CEP128: variants seen among roughly 807,000 people sequenced by gnomAD.
CEP128 encodes centrosomal protein 128, also known as centrosomal protein 128kDa.
CEP128 carries 132 observed loss-of-function variants against 156.7 expected under a neutral mutation model. That is an observed-to-expected ratio of 0.84 (90% confidence interval 0.73 to 0.97). The LOEUF is 0.97. Among genes scored for constraint, CEP128 ranks in the 50% least tolerant of loss-of-function variants. The pLI is 0.00. For synonymous variants in CEP128, 469 were observed against 448.9 expected (o/e 1.04, Z -0.57); for missense variants, 1,252 against 1,281.9 (o/e 0.98, Z 0.36).
intron 10 of CEP128, 148 bp from the exon 11 acceptor site, chr14:80,838,426 C>T (rs1245418143): frequency 1.7e-6 from 1 of 594,684 alleles, no homozygotes; most frequent in East Asian, 2.8e-5. Flanking sequence ...TCACTATGAA[C>T]ATATATCAAT....
At chr14:80,953,310 G>A (rs891366736) in intron 2 of CEP128, among the ~76,000 whole-genome samples, 1 of 152,234 alleles carries the variant, frequency 6.6e-6, no homozygotes, top group African/African-American at 2.4e-5. Flanking sequence ...ACACGGCCGG[G>A]CACGGTGGTG....
Position 80,580,528 on chromosome 14 carries a change from G to A in CEP128, c.2807-105C>T, listed in dbSNP as rs528588054. The A allele has an allele frequency of 1.6e-5, 11 of 680,334 alleles. No individual in the cohort carries two copies. In the East Asian group the frequency reaches 2.5e-4, roughly 16 times the overall value. 42.1% of individuals were successfully genotyped at this position (680,334 alleles called of 1,614,324 possible). On this transcript the variant is annotated intron_variant, in intron 19 of 24. Transcript: ENST00000555265. The stretch of plus-strand genomic sequence containing the variant: ...GTAGCTTGTATAAACTGTTGCCTGA[G>A]AAGAGAATTTAATGTTTAAGTGTGA...
At chr14:80,593,067 G>T (rs1003880223) in intron 19 of CEP128, among the ~76,000 whole-genome samples, 1 of 152,242 alleles carries the variant, frequency 6.6e-6, no homozygotes, top group Admixed American at 6.5e-5. Context: ...AAAACTGGAA[G>T]CATTCCCTTT....
At chr14:80,905,239 AC>A (rs1883816420) in intron 5 of CEP128, among the ~76,000 whole-genome samples, 1 of 151,960 alleles carries the variant, frequency 6.6e-6, no homozygotes, top group Non-Finnish European at 1.5e-5. Context: ...TAAATAAAAA[AC>A]TCATATGACC....
chr14:80,651,191 AGTTT>A (rs1894887711), intron 19 of CEP128, among the ~76,000 whole-genome samples: 1 of 152,080 alleles, frequency 6.6e-6, no homozygotes, highest in Admixed American at 6.6e-5. Context: ...TAGATTTTCT[AGTTT>A]ATTTGCATAG....
intron 9 of CEP128, among the ~76,000 whole-genome samples, chr14:80,846,534 C>T (rs961737107): frequency 3.3e-5 from 5 of 151,972 alleles, no homozygotes; most frequent in Non-Finnish European, 2.9e-5. Context: ...TGATCAACCC[C>T]GGAAGGCATC....
intron 8 of CEP128, among the ~76,000 whole-genome samples, chr14:80,866,958 AT>A (rs1887795545): frequency 6.6e-6 from 1 of 152,162 alleles, no homozygotes; most frequent in African/African-American, 2.4e-5. Context: ...ACCATGAACA[AT>A]TTTTCCCTTC....
At chr14:80,673,701 G>C (rs1895948811) in intron 19 of CEP128, among the ~76,000 whole-genome samples, 3 of 144,634 alleles carry the variant, frequency 2.1e-5, no homozygotes. Context: ...CTCACATTCG[G>C]AAACGTAAAA....
At chr14:80,580,202 A>G (rs557155611) in intron 20 of CEP128, among the ~76,000 whole-genome samples, 172 bp downstream of exon 20, 3 of 152,228 alleles carry the variant, frequency 2.0e-5, no homozygotes, top group Non-Finnish European at 4.4e-5. Context: ...TTCCTGCTTT[A>G]GATCAGTGCT....
At chr14:80,740,662 T>C (rs191849648) in intron 19 of CEP128, among the ~76,000 whole-genome samples, 58 of 152,318 alleles carry the variant, frequency 3.8e-4, no homozygotes, top group Middle Eastern at 3.4e-3. Flanking sequence ...GGCATTATTT[T>C]CTGAAGAGCT....
chr14:80,780,600 C>A (rs548386728), intron 15 of CEP128, among the ~76,000 whole-genome samples: 1 of 151,520 alleles, frequency 6.6e-6, no homozygotes, highest in African/African-American at 2.4e-5. Flanking sequence ...ATTCTAAATT[C>A]TTTACACATA....
intron 19 of CEP128, 43 bp from the exon 20 acceptor site, chr14:80,580,466 A>AACAAGTT (rs1555377008): frequency 5.1e-6 from 6 of 1,181,058 alleles, no homozygotes; most frequent in East Asian, 4.7e-5. Context: ...ACAATGTAAA[A>AACAAGTT]ACGAGTTGCC....
chr14:80,740,021 G>A (rs1035746011), intron 19 of CEP128, among the ~76,000 whole-genome samples: 27 of 151,892 alleles, frequency 1.8e-4, no homozygotes, highest in African/African-American at 6.3e-4. Context: ...AATAAATTTG[G>A]GCCAATGGCA....
chr14:80,556,114 C>G (rs1337004944), intron 21 of CEP128, among the ~76,000 whole-genome samples: 2 of 152,076 alleles, frequency 1.3e-5, no homozygotes, highest in East Asian at 3.9e-4. Context: ...AAGTTTTTTC[C>G]CATGTAATCA....
chr14:80,558,132 CT>C (rs1890514735), intron 21 of CEP128, among the ~76,000 whole-genome samples: 1 of 151,996 alleles, frequency 6.6e-6, no homozygotes, highest in African/African-American at 2.4e-5. Flanking sequence ...CTCTTCTGTT[CT>C]TTTTTTATAT....
intron 19 of CEP128, among the ~76,000 whole-genome samples, chr14:80,723,408 C>T (rs1897899123): frequency 6.6e-6 from 1 of 152,182 alleles, no homozygotes; most frequent in Non-Finnish European, 1.5e-5. Flanking sequence ...CGTATTCAGG[C>T]TGGAGACAAC....
At chr14:80,523,805 T>C (rs1467321953) in intron 23 of CEP128, among the ~76,000 whole-genome samples, 1 of 152,204 alleles carries the variant, frequency 6.6e-6, no homozygotes, top group Non-Finnish European at 1.5e-5. Context: ...TCATATAATG[T>C]GTAAAGGAAG....
chr14:80,894,635 A>G (rs1333231411), intron 8 of CEP128: 1 of 473,644 alleles, frequency 2.1e-6, no homozygotes, highest in African/African-American at 2.0e-5. Flanking sequence ...TCAGCAGAAG[A>G]CAGGCATTGT....
At position 80,694,284 on chromosome 14, in the gene CEP128, A is replaced by T. The variant is rs144193897; in HGVS notation, c.2806+48791T>A. Among the ~76,000 whole-genome samples the T allele has an allele frequency of 2.0e-3, 302 of 152,258 alleles. 1 individual carries two copies. The highest frequency in any genetic ancestry group is 7.0e-3 in the African/African-American group (291 of 41,566). On this transcript the variant is annotated intron_variant, in intron 19 of 24. Transcript: ENST00000555265. ...CAGATGCTGGAGAGGATGTGGAGAAATTTTTACGCCGTTGGTGGGAGTGTA... is the reference window on the plus strand; with the variant it reads ...CAGATGCTGGAGAGGATGTGGAGAATTTTTTACGCCGTTGGTGGGAGTGTA...
Sources: allele counts gnomAD v4.1 joint callset (sites outside exome capture counted in the v4.1 genomes callset), GRCh38; gene constraint gnomAD v4.1.1; transcripts MANE v1.5; gene names NCBI Gene and HGNC (gene_info 2026-07-23, HGNC 2026-07-21).